DLC1: variants seen among roughly 807,000 people sequenced by gnomAD.
The protein encoded by DLC1 is DLC1 Rho GTPase activating protein.
A neutral mutation model predicts 140.3 loss-of-function variants in DLC1; 54 were observed. That is an observed-to-expected ratio of 0.38 (90% CI 0.31 to 0.48). The LOEUF (loss-of-function observed/expected upper bound fraction) is 0.48, where lower values mean the gene tolerates loss of function less well. Among genes scored for constraint, DLC1 ranks in the 20% least tolerant of loss-of-function variants. DLC1 has a pLI of 0.96. For missense variants in DLC1, 2,536 were observed against 1,907.0 expected (o/e 1.33, Z -6.14); for synonymous variants, 986 against 728.1 (o/e 1.35, Z -5.70).
At chr8:13,581,996 G>T (rs915677395) in intron 1 of DLC1, among the ~76,000 whole-genome samples, 1 of 152,114 alleles carries the variant, frequency 6.6e-6, no homozygotes, top group Non-Finnish European at 1.5e-5. Flanking sequence ...TGTGAAGAGG[G>T]TAGGATGGAT....
intron 5 of DLC1, among the ~76,000 whole-genome samples, chr8:13,214,107 A>C (rs904274898): frequency 6.6e-6 from 1 of 152,086 alleles, no homozygotes; most frequent in African/African-American, 2.4e-5. Context: ...CTTTATAAGA[A>C]GATATATTCT....
At chr8:13,210,615 T>C (rs1447493679) in intron 5 of DLC1, among the ~76,000 whole-genome samples, 1 of 152,240 alleles carries the variant, frequency 6.6e-6, no homozygotes, top group Non-Finnish European at 1.5e-5. Flanking sequence ...TTAGAAATAC[T>C]TTCTCTGACT....
intron 5 of DLC1, chr8:13,276,424 A>G: frequency 1.4e-6 from 2 of 1,439,972 alleles, no homozygotes; most frequent in Non-Finnish European, 1.8e-6. Flanking sequence ...CCTTCAGCGC[A>G]GCCCGGGCGC....
At chr8:13,453,449 C>CATAT (rs1233667712) in intron 2 of DLC1, among the ~76,000 whole-genome samples, 5 of 10,558 alleles carry the variant, frequency 4.7e-4, no homozygotes, top group African/African-American at 2.9e-3. Context: ...TATATATATA[C>CATAT]ATATATATAT....
Position 13,393,569 on chromosome 8 carries a change from G to T in DLC1, c.1298C>A (p.Thr433Asn), listed in dbSNP as rs1364067845. The change falls in exon 4 of 18, where the codon ACC (threonine) becomes AAC (asparagine). Residue 433 changes from threonine (T) to asparagine (N), a missense_variant. Coordinates refer to ENST00000276297, the MANE Select transcript of DLC1 (RefSeq NM_182643.3). The stretch of plus-strand genomic sequence containing the variant: ...AGAACTCACCGTAGTCTTGGGTTTG[G>T]TTCCAGAATTGGCTACTGGAGTGGA... The part of the protein sequence containing the change: ...PSSTPVANSG[T>N]KPKTTAIQGI... 3.1e-6 allele frequency: 5 copies of T among 1,613,868 alleles called. No individual in the cohort carries two copies. The East Asian group carries it at 8.9e-5, about 29-fold the overall frequency.
chr8:13,406,963 G>T (rs1057106230), intron 2 of DLC1, among the ~76,000 whole-genome samples: 1 of 152,170 alleles, frequency 6.6e-6, no homozygotes, highest in Non-Finnish European at 1.5e-5. Context: ...GTAGTGCTAA[G>T]AACAGAAACA....
chr8:13,355,889 C>G (rs1416681760), intron 4 of DLC1, among the ~76,000 whole-genome samples: 1 of 151,534 alleles, frequency 6.6e-6, no homozygotes, highest in Non-Finnish European at 1.5e-5. Context: ...TCGAGACCAT[C>G]TTGGCTAACA....
chr8:13,603,169 T>G lies in DLC1; in HGVS notation c.-126+1368A>C, dbSNP rs553898132. Among the ~76,000 whole-genome samples, 9 of 152,026 alleles carry G rather than the reference T, an allele frequency of 5.9e-5. No homozygotes were observed. In the South Asian group the frequency reaches 1.9e-3, roughly 31 times the overall value. Reference sequence around the variant, plus strand: ...ACTCTTAAGTCACACGGAATAATAATGCTGGCTTTTACTGTCATCCATTTC... The same window carrying G: ...ACTCTTAAGTCACACGGAATAATAAGGCTGGCTTTTACTGTCATCCATTTC... On this transcript the variant is annotated intron_variant, in intron 1 of 1. Coordinates refer to the DLC1 transcript ENST00000631382.
intron 1 of DLC1, among the ~76,000 whole-genome samples, chr8:13,570,684 C>G (rs1408124028): frequency 6.6e-6 from 1 of 151,804 alleles, no homozygotes. Context: ...TTTTCTTAAT[C>G]CAGTCTATGA....
intron 5 of DLC1, among the ~76,000 whole-genome samples, chr8:13,203,379 GA>G (rs2117077085): frequency 6.6e-6 from 1 of 152,300 alleles, no homozygotes; most frequent in South Asian, 2.1e-4. Context: ...ATTAGTAACA[GA>G]AAAGGGAAAT....
intron 5 of DLC1, among the ~76,000 whole-genome samples, chr8:13,249,009 T>G (rs2117274902): frequency 6.6e-6 from 1 of 152,336 alleles, no homozygotes; most frequent in South Asian, 2.1e-4. Context: ...TTACTCATTC[T>G]TAGACTCCTC....
intron 4 of DLC1, among the ~76,000 whole-genome samples, chr8:13,321,230 G>T (rs538844961): frequency 1.3e-5 from 2 of 152,140 alleles, no homozygotes; most frequent in Non-Finnish European, 2.9e-5. Flanking sequence ...AAACTGGAGA[G>T]TATTAAGTGA....
At chr8:13,214,540 C>T in intron 5 of DLC1, 1 of 693,212 alleles carries the variant, frequency 1.4e-6, no homozygotes, top group Middle Eastern at 4.1e-4. Context: ...AGAGCTGTCC[C>T]CCGGCCCCAA....
intron 4 of DLC1, among the ~76,000 whole-genome samples, chr8:13,315,994 A>C (rs1832847055): frequency 2.0e-5 from 3 of 152,240 alleles, no homozygotes; most frequent in Admixed American, 6.5e-5. Context: ...TAAATCTGAA[A>C]GACTACTAAG....
At chr8:13,162,519 C>T (rs1394902020) in intron 5 of DLC1, among the ~76,000 whole-genome samples, 1 of 152,178 alleles carries the variant, frequency 6.6e-6, no homozygotes, top group Non-Finnish European at 1.5e-5. Flanking sequence ...GACGGGGTTT[C>T]ACCATGTTGG....
At chr8:13,480,232 A>G (rs1800660382) in intron 2 of DLC1, among the ~76,000 whole-genome samples, 1 of 152,226 alleles carries the variant, frequency 6.6e-6, no homozygotes, top group African/African-American at 2.4e-5. Context: ...TGGTTAAAAT[A>G]TGAGCCAAAC....
intron 5 of DLC1, among the ~76,000 whole-genome samples, chr8:13,123,814 T>A (rs1244859630): frequency 2.0e-5 from 3 of 152,228 alleles, no homozygotes; most frequent in Non-Finnish European, 2.9e-5. Context: ...AGTTGCTCAA[T>A]AAATATTACA....
chr8:13,552,604 G>C (rs1413308482), intron 1 of DLC1, among the ~76,000 whole-genome samples: 1 of 151,408 alleles, frequency 6.6e-6, no homozygotes, highest in Non-Finnish European at 1.5e-5. Flanking sequence ...AAAGACCACT[G>C]TTCTATACTA....
intron 1 of DLC1, among the ~76,000 whole-genome samples, chr8:13,569,908 C>T (rs1247300899): frequency 6.6e-6 from 1 of 152,078 alleles, no homozygotes; most frequent in Non-Finnish European, 1.5e-5. Context: ...TTTGTATTTT[C>T]AGTAGAGAAA....
Sources: gnomAD v4.1 joint callset for allele counts (sites outside exome capture counted in the v4.1 genomes callset) on GRCh38, gnomAD v4.1.1 for gene constraint, MANE v1.5 for transcripts, NCBI Gene and HGNC (gene_info 2026-07-23, HGNC 2026-07-21) for gene names.